The following FHIT variants were observed in gnomAD, a reference collection of about 807,000 sequenced individuals.
FHIT encodes the protein fragile histidine triad diadenosine triphosphatase.
A neutral mutation model predicts 17.9 loss-of-function variants in FHIT; 19 were observed. The observed-to-expected ratio is 1.06, with a 90% confidence interval of 0.74 to 1.56. The LOEUF (loss-of-function observed/expected upper bound fraction) is 1.56, where lower values mean the gene tolerates loss of function less well. Ranked by LOEUF, FHIT falls within the 40% of genes most tolerant of loss-of-function variation. The pLI is 0.00. For missense variants in FHIT, 248 were observed against 189.2 expected (o/e 1.31, Z -1.82); for synonymous variants, 81 against 69.7 (o/e 1.16, Z -0.81).
intron 4 of FHIT, among the ~76,000 whole-genome samples, chr3:60,800,782 T>G (rs981464008): frequency 6.6e-6 from 1 of 152,160 alleles, no homozygotes; most frequent in South Asian, 2.1e-4. Context: ...GTATGGAGTA[T>G]GAACAGCACC....
rs1359902443 is a variant in FHIT, at chr3:60,153,507, T to C, written c.104-139355A>G. ...TCTATTTTGAGGTTTATCATGAATA[T>C]TGGTTTCTACAAAATTCTTCATTAA... On this transcript the variant is annotated intron_variant, in intron 5 of 9. Coordinates refer to ENST00000492590, the MANE Select transcript of FHIT (RefSeq NM_002012.4). Among the ~76,000 whole-genome samples, 3 of 152,278 alleles carry C rather than the reference T, an allele frequency of 2.0e-5. No homozygotes were observed. The South Asian group carries it at 6.2e-4, about 32-fold the overall frequency.
intron 2 of FHIT, among the ~76,000 whole-genome samples, chr3:61,051,853 G>A (rs1425954476): frequency 1.3e-5 from 2 of 152,164 alleles, no homozygotes; most frequent in Non-Finnish European, 2.9e-5. Context: ...CAGGGCAAAA[G>A]TTACACTGCA....
intron 3 of FHIT, among the ~76,000 whole-genome samples, chr3:60,973,178 A>T (rs1404950720): frequency 6.6e-6 from 1 of 152,182 alleles, no homozygotes; most frequent in African/African-American, 2.4e-5. Flanking sequence ...TTCTCCAAAG[A>T]TGATTTGATT....
chr3:59,750,916 CTAATTTTGTTTTTTATTTGT>C (rs1700860838), intron 9 of FHIT: 1 of 194,258 alleles, frequency 5.1e-6, no homozygotes, highest in African/African-American at 2.3e-5. Flanking sequence ...CATTTATTCA[CTAATTTTGTTTTTTATTTGT>C]GTCTGATCTA....
chr3:61,214,516 T>C (rs1269435065), intron 1 of FHIT, among the ~76,000 whole-genome samples: 1 of 152,098 alleles, frequency 6.6e-6, no homozygotes, highest in Non-Finnish European at 1.5e-5. Context: ...CAATAATCAA[T>C]AGCTTACCAA....
At chr3:59,758,002 G>C (rs1415420241) in intron 8 of FHIT, among the ~76,000 whole-genome samples, 1 of 152,160 alleles carries the variant, frequency 6.6e-6, no homozygotes, top group African/African-American at 2.4e-5. Context: ...ATGCAATAAG[G>C]CAGACAGATT....
intron 3 of FHIT, among the ~76,000 whole-genome samples, chr3:60,881,494 C>G (rs1445677491): frequency 6.6e-6 from 1 of 152,116 alleles, no homozygotes; most frequent in Non-Finnish European, 1.5e-5. Context: ...TTATTTTCAT[C>G]AGCACATGGA....
intron 4 of FHIT, among the ~76,000 whole-genome samples, chr3:60,795,478 T>C (rs782634809): frequency 1.8e-4 from 27 of 151,548 alleles, no homozygotes; most frequent in Admixed American, 3.3e-4. Flanking sequence ...TCTTTAGCCA[T>C]GGTTCTTTTT....
intron 5 of FHIT, among the ~76,000 whole-genome samples, chr3:60,113,242 G>A (rs879905034): frequency 2.6e-5 from 4 of 152,244 alleles, no homozygotes; most frequent in African/African-American, 9.6e-5. Flanking sequence ...TCTTTTTCAC[G>A]TCTGTATCCC....
At chr3:61,228,319 T>C (rs6445197) in intron 1 of FHIT, among the ~76,000 whole-genome samples, 81,630 of 152,110 alleles carry the variant, frequency 0.54, 24,102 homozygotes, top group African/African-American at 0.78. Context: ...AAGGGCGGGA[T>C]ACTGAGACCA....
chr3:61,096,389 A>G (rs540489989), intron 2 of FHIT, among the ~76,000 whole-genome samples: 1 of 152,322 alleles, frequency 6.6e-6, no homozygotes, highest in African/African-American at 2.4e-5. Context: ...CTAAGGACCA[A>G]TTTTGAGCAT....
chr3:59,789,072 AT>A (rs1224145890), intron 8 of FHIT, among the ~76,000 whole-genome samples: 1 of 152,054 alleles, frequency 6.6e-6, no homozygotes, highest in South Asian at 2.1e-4. Context: ...TTCACAGCCA[AT>A]TTAATTAAAA....
intron 5 of FHIT, among the ~76,000 whole-genome samples, chr3:60,137,085 C>T (rs1246151203): frequency 2.0e-5 from 3 of 152,202 alleles, no homozygotes; most frequent in Admixed American, 1.3e-4. Context: ...TCAAAATACA[C>T]AGGTAGTAAG....
chr3:60,489,111 TC>T (rs987297050), intron 5 of FHIT, among the ~76,000 whole-genome samples: 2 of 152,136 alleles, frequency 1.3e-5, no homozygotes, highest in African/African-American at 4.8e-5. Flanking sequence ...TAAATAGCAT[TC>T]ATTAGAAAAA....
chr3:59,990,351 T>C (rs1709171339), intron 7 of FHIT, among the ~76,000 whole-genome samples: 1 of 152,052 alleles, frequency 6.6e-6, no homozygotes, highest in Non-Finnish European at 1.5e-5. Flanking sequence ...TTCTAATTCT[T>C]TTTCCTGTGG....
chr3:60,281,391 A>G (rs188649955), intron 5 of FHIT, among the ~76,000 whole-genome samples: 39 of 152,276 alleles, frequency 2.6e-4, no homozygotes, highest in Admixed American at 6.5e-4. Context: ...TAAAATATTG[A>G]AGAACAAAGT....
At chr3:60,632,966 T>TTGCTCACAAAAG (rs2039485569) in intron 4 of FHIT, among the ~76,000 whole-genome samples, 1 of 152,134 alleles carries the variant, frequency 6.6e-6, no homozygotes, top group Admixed American at 6.5e-5. Flanking sequence ...CCTTCAGAGG[T>TTGCTCACAAAAG]AGGTATCTTG....
At chr3:60,365,055 T>C (rs944084585) in intron 5 of FHIT, among the ~76,000 whole-genome samples, 1 of 150,718 alleles carries the variant, frequency 6.6e-6, no homozygotes, top group Non-Finnish European at 1.5e-5. Flanking sequence ...TGAATATATA[T>C]ATATATATTC....
chr3:60,604,427 G>A (rs1418303810), intron 4 of FHIT, among the ~76,000 whole-genome samples: 1 of 152,158 alleles, frequency 6.6e-6, no homozygotes, highest in Non-Finnish European at 1.5e-5. Flanking sequence ...GCCACCCACA[G>A]AGCTCACCTC....
Sources: allele counts gnomAD v4.1 joint callset (sites outside exome capture counted in the v4.1 genomes callset), GRCh38; gene constraint gnomAD v4.1.1; transcripts MANE v1.5; gene names NCBI Gene and HGNC (gene_info 2026-07-23, HGNC 2026-07-21).